The following IL16 variants were observed in gnomAD, a reference collection of about 807,000 sequenced individuals.
The protein encoded by IL16 is interleukin 16, also known as pro-interleukin-16.
A neutral mutation model predicts 110.1 loss-of-function variants in IL16; 67 were observed. The ratio of observed to expected loss-of-function variants is 0.61; its 90% confidence interval spans 0.50 to 0.75. IL16 has a LOEUF of 0.75. Ranked by LOEUF, IL16 falls within the 30% of genes least tolerant of loss-of-function variation. The pLI, the probability that IL16 is intolerant of heterozygous loss-of-function variation, is 0.00. For synonymous variants in IL16, 689 were observed against 662.9 expected (o/e 1.04, Z -0.61); for missense variants, 1,545 against 1,655.0 (o/e 0.93, Z 1.15).
At chr15:81,256,023 A>G (rs545734995) in intron 2 of IL16, among the ~76,000 whole-genome samples, 1 of 152,348 alleles carries the variant, frequency 6.6e-6, no homozygotes, top group Admixed American at 6.5e-5. Context: ...ATACAGAAAC[A>G]TGTGAAAAAA....
rs761208055 is a variant in IL16 at position 81,279,639 on chromosome 15, C to A, written c.946C>A (p.Pro316Thr). 13 of 1,614,116 alleles carry A rather than the reference C, an allele frequency of 8.1e-6. No homozygotes were observed. Among genetic ancestry groups the A allele is most frequent in the African/African-American group, 2.7e-5 (2 of 74,950 alleles). The change falls in exon 8 of 19, where the codon CCA (proline) becomes ACA (threonine). Residue 316 changes from proline (P) to threonine (T), a missense_variant. Pro to Thr is a conservative substitution (Grantham distance 38, BLOSUM62 -1). Transcript: ENST00000683961. Reference sequence around the variant, plus strand: ...TTCCCTGTGCAGCCACCTGTCTCCCCCACTGTGCCGCTCCCTGAGCTCCAG... The same window carrying A: ...TTCCCTGTGCAGCCACCTGTCTCCCACACTGTGCCGCTCCCTGAGCTCCAG... ...PPSLCSHLSP[P>T]LCRSLSSSTC...
intron 1 of IL16, among the ~76,000 whole-genome samples, chr15:81,206,227 G>A (rs1456953547): frequency 6.8e-6 from 1 of 148,024 alleles, no homozygotes; most frequent in African/African-American, 2.6e-5. Context: ...GTTACATAGG[G>A]TACTTAAACA....
At chr15:81,225,008 G>A (rs1167138519) in intron 1 of IL16, among the ~76,000 whole-genome samples, 1 of 152,172 alleles carries the variant, frequency 6.6e-6, no homozygotes, top group South Asian at 2.1e-4. Flanking sequence ...TTCTGCTAGT[G>A]CCTTGGGTTG....
chr15:81,265,752 A>G lies in IL16; in HGVS notation c.515A>G (p.Asn172Ser), dbSNP rs113332687. The G allele has an allele frequency of 3.2e-3, 5,186 of 1,613,866 alleles. 35 individuals are homozygous for G. The highest frequency in any genetic ancestry group is 0.019 in the African/African-American group (1,425 of 75,036). ...TDRQPYSLCS[N>S]RKSLSQQLDC... The stretch of plus-strand genomic sequence containing the variant: ...AGGCAGCCTTACTCTCTCTGCAGTA[A>G]CAGGAAGTCCCTCTCTCAACAATTG... The change falls in exon 4 of 19, where the codon AAC becomes AGC. Residue 172 changes from asparagine to serine, a missense_variant. Physicochemically the swap from Asn to Ser is conservative, Grantham distance 46 (BLOSUM62 1). Coordinates refer to ENST00000683961, the MANE Select transcript of IL16 (RefSeq NM_172217.5).
At chr15:81,271,138 G>A (rs186389636) in intron 5 of IL16, among the ~76,000 whole-genome samples, 86 of 152,132 alleles carry the variant, frequency 5.7e-4, no homozygotes, top group Non-Finnish European at 1.1e-3. Flanking sequence ...CCCTTTTATA[G>A]ACGTGCAGCC....
chr15:81,305,870 G>A lies in IL16; in HGVS notation c.3421-38G>A, dbSNP rs371760200. 3.1e-6 allele frequency: 5 copies of A among 1,605,964 alleles called. No individual in the cohort carries two copies. The African/African-American group carries it at 6.7e-5, about 21-fold the overall frequency. ...TCCAGCAAGTATGTGGACTGGACTT[G>A]TGTGATTTCTGGTCCTGACTTCCTT... On this transcript the variant is annotated intron_variant, in intron 16 of 18. Transcript: ENST00000683961.
intron 1 of IL16, among the ~76,000 whole-genome samples, chr15:81,222,922 G>A (rs1326470282): frequency 6.6e-6 from 1 of 152,142 alleles, no homozygotes; most frequent in Non-Finnish European, 1.5e-5. Context: ...TTGGCAGGAT[G>A]CAGAGAAACT....
chr15:81,283,188 A>T (rs989882907), intron 9 of IL16, among the ~76,000 whole-genome samples: 5 of 152,116 alleles, frequency 3.3e-5, no homozygotes, highest in African/African-American at 1.2e-4. Context: ...TGGCCAGCAC[A>T]CCCCTGACCC....
At chr15:81,268,915 G>A (rs1250442015) in intron 4 of IL16, among the ~76,000 whole-genome samples, 2 of 152,222 alleles carry the variant, frequency 1.3e-5, no homozygotes, top group East Asian at 3.8e-4. Flanking sequence ...CCCGCCAGCT[G>A]ATAATGGGCA....
At chr15:81,203,262 T>C (rs1473909662) in intron 1 of IL16, among the ~76,000 whole-genome samples, 7 of 152,094 alleles carry the variant, frequency 4.6e-5, no homozygotes, top group Non-Finnish European at 1.0e-4. Context: ...TTTCTCCCAT[T>C]CTGTCAGTTG....
chr15:81,273,108 G>T lies in IL16; in HGVS notation c.694G>T (p.Val232Phe). The T allele has an allele frequency of 1.9e-6, 3 of 1,613,248 alleles. No individual in the cohort carries two copies. The highest frequency in any genetic ancestry group is 2.5e-6 in the Non-Finnish European group (3 of 1,179,448). ...TCCCCAGGGTCTGGGCTTCAGCATCGTTGGGGGAAAAGACAGCATTTATGG... is the reference window on the plus strand; with the variant it reads ...TCCCCAGGGTCTGGGCTTCAGCATCTTTGGGGGAAAAGACAGCATTTATGG... Reference protein sequence around the residue: ...GQAKGLGFSIVGGKDSIYGPI... With the variant: ...GQAKGLGFSIFGGKDSIYGPI... Residue 232 changes from valine to phenylalanine, a missense_variant, in exon 6 of 19, where the codon GTT becomes TTT. By Grantham distance (50) the Val-to-Phe change is conservative (BLOSUM62 -1). Transcript: ENST00000683961.
chr15:81,218,697 T>C (rs1030375570), intron 1 of IL16, among the ~76,000 whole-genome samples: 23 of 152,226 alleles, frequency 1.5e-4, no homozygotes, highest in African/African-American at 5.3e-4. Flanking sequence ...AATAGTTTGA[T>C]TTTATTGATG....
At chr15:81,207,382 G>A (rs376490692) in intron 1 of IL16, among the ~76,000 whole-genome samples, 1 of 151,912 alleles carries the variant, frequency 6.6e-6, no homozygotes, top group Non-Finnish European at 1.5e-5. Flanking sequence ...TCACAAAAAG[G>A]CTAAGTAGAT....
In IL16 at chr15:81,265,723, G is replaced by A. The variant is rs1180279552; in HGVS notation, c.486G>A (p.Thr162=). The change falls in exon 4 of 19, where the codon ACG becomes ACA. Residue 162 remains threonine (T), a synonymous_variant. Transcript: ENST00000683961. ...TGACCAAGAAATCTGCAGCGCCCACGGACAGGCAGCCTTACTCTCTCTGCA... is the reference window on the plus strand; with the variant it reads ...TGACCAAGAAATCTGCAGCGCCCACAGACAGGCAGCCTTACTCTCTCTGCA... ...FPMTKKSAAP[T]DRQPYSLCSN... is the part of the protein sequence containing the mutation. 1.9e-6 allele frequency: 3 copies of A among 1,613,992 alleles called. No individual in the cohort carries two copies. Among genetic ancestry groups the A allele is most frequent in the Non-Finnish European group, 2.5e-6 (3 of 1,179,948 alleles).
At chr15:81,242,302 C>T (rs939522718) in intron 2 of IL16, among the ~76,000 whole-genome samples, 5 of 152,258 alleles carry the variant, frequency 3.3e-5, no homozygotes, top group African/African-American at 4.8e-5. Context: ...GTAGGAATTG[C>T]GTTAAACCAG....
chr15:81,292,037 CAGAG>C (rs1365382744), intron 11 of IL16: 2 of 452,924 alleles, frequency 4.4e-6, no homozygotes, highest in African/African-American at 4.0e-5. Context: ...GCAGGGTAGA[CAGAG>C]GGAGGACGGA....
chr15:81,307,508 T>TC (rs1384131259), intron 18 of IL16, among the ~76,000 whole-genome samples: 4 of 152,152 alleles, frequency 2.6e-5, no homozygotes, highest in African/African-American at 7.2e-5. Context: ...TACATGGCAT[T>TC]CCCCCCAGAA....
chr15:81,265,897 T>C (rs1033518789), intron 4 of IL16, 96 bp downstream of exon 4: 11 of 1,193,662 alleles, frequency 9.2e-6, no homozygotes, highest in Non-Finnish European at 1.3e-5. Flanking sequence ...TTCCCAGTAG[T>C]TTTTTTGTCC....
upstream of IL16, among the ~76,000 whole-genome samples, chr15:81,192,428 G>A (rs1191667228): frequency 1.3e-5 from 2 of 151,790 alleles, no homozygotes; most frequent in East Asian, 1.9e-4. Flanking sequence ...CAGAGAGACC[G>A]TGTCTCTACA....
Sources: allele counts gnomAD v4.1 joint callset (sites outside exome capture counted in the v4.1 genomes callset), GRCh38; gene constraint gnomAD v4.1.1; transcripts MANE v1.5; gene names NCBI Gene and HGNC (gene_info 2026-07-23, HGNC 2026-07-21).